DNM3: variants seen among roughly 807,000 people sequenced by gnomAD.
DNM3 encodes dynamin 3.
Under a neutral mutation model 101.6 loss-of-function variants are expected in DNM3, and 47 were observed. The observed-to-expected ratio is 0.46, with a 90% CI of 0.37 to 0.59. DNM3 has a LOEUF of 0.59. Among genes scored for constraint, DNM3 ranks in the 20% least tolerant of loss-of-function variants. The pLI is 0.00. For synonymous variants in DNM3, 385 were observed against 387.9 expected (o/e 0.99, Z 0.09); for missense variants, 849 against 1,085.7 (o/e 0.78, Z 3.06).
intron 1 of DNM3, among the ~76,000 whole-genome samples, chr1:171,892,812 C>T (rs137861792): frequency 6.6e-6 from 1 of 152,214 alleles, no homozygotes; most frequent in Non-Finnish European, 1.5e-5. Context: ...ACTTAGTTGA[C>T]CTAAGGCGCA....
chr1:172,193,577 G>C (rs939442766), intron 14 of DNM3, among the ~76,000 whole-genome samples: 1 of 152,084 alleles, frequency 6.6e-6, no homozygotes, highest in African/African-American at 2.4e-5. Flanking sequence ...CTTCCTCCTG[G>C]TTTAGTCTTG....
chr1:172,071,977 A>G (rs2052234038), intron 11 of DNM3, among the ~76,000 whole-genome samples: 1 of 152,226 alleles, frequency 6.6e-6, no homozygotes, highest in Admixed American at 6.5e-5. Context: ...CAGGAATATA[A>G]TGAGAACAGC....
At position 172,315,569 on chromosome 1, in the gene DNM3, G is replaced by A. The variant is rs189193312; in HGVS notation, c.1881+6730G>A. ...GGAGCTGATGGAGCTGAAAGCCAAC[G>A]CTCGAGAACTACGTGAAGAATGCAG... On this transcript the variant is annotated intron_variant, in intron 16 of 20. Coordinates refer to ENST00000627582, the MANE Select transcript of DNM3 (RefSeq NM_015569.5). 2.9e-3 allele frequency among the ~76,000 whole-genome samples: 439 copies of A among 152,306 alleles called. 1 individual carries two copies. Among genetic ancestry groups the A allele is most frequent in the African/African-American group, 9.5e-3 (395 of 41,558 alleles).
intron 2 of DNM3, among the ~76,000 whole-genome samples, chr1:171,957,289 C>T (rs1476904595): frequency 2.0e-5 from 3 of 151,708 alleles, no homozygotes; most frequent in Non-Finnish European, 2.9e-5. Context: ...GCTCCACCTC[C>T]CAGGTTCACA....
In DNM3 at chr1:171,876,258, C is replaced by A. The variant is rs76874304; in HGVS notation, c.161+34441C>A. Among the ~76,000 whole-genome samples the A allele has an allele frequency of 9.5e-4, 144 of 152,180 alleles. 3 individuals are homozygous for A. In the East Asian group the frequency reaches 0.018, roughly 19 times the overall value. ...ATCAAGATGGCTCATGGGCTGATAA[C>A]CATTGAAGTGGAATATAGGATTTAT... On this transcript the variant is annotated intron_variant, in intron 1 of 20. Transcript: ENST00000627582.
intron 2 of DNM3, among the ~76,000 whole-genome samples, chr1:171,977,431 A>G (rs544032697): frequency 6.6e-6 from 1 of 152,360 alleles, no homozygotes; most frequent in African/African-American, 2.4e-5. Flanking sequence ...TGTAAACTTG[A>G]TAGCAAGGGA....
chr1:172,031,982 C>T (rs2048638937), intron 4 of DNM3, among the ~76,000 whole-genome samples: 1 of 152,070 alleles, frequency 6.6e-6, no homozygotes, highest in Admixed American at 6.6e-5. Flanking sequence ...TTATGACGCA[C>T]TCTCATCATT....
chr1:171,885,552 C>T (rs79527593), intron 1 of DNM3, among the ~76,000 whole-genome samples: 5,694 of 152,164 alleles, frequency 0.037, 151 homozygotes, highest in Middle Eastern at 0.078. Flanking sequence ...CTATGTGATG[C>T]GGGCTGCTTT....
intron 14 of DNM3, among the ~76,000 whole-genome samples, chr1:172,210,395 A>G (rs2060474902): frequency 7.2e-6 from 1 of 139,508 alleles, no homozygotes; most frequent in African/African-American, 2.6e-5. Flanking sequence ...GAAAAATGAC[A>G]TTTGCCTCCC....
chr1:171,886,127 T>C lies in DNM3; in HGVS notation c.162-35621T>C, dbSNP rs80001185. On this transcript the variant is annotated intron_variant, in intron 1 of 20. Coordinates refer to ENST00000627582, the MANE Select transcript of DNM3 (RefSeq NM_015569.5). ...GGAATTTTGCTAAAATAAGAATGGC[T>C]TCTGAGATATAATGAGCTAAACCTG... Among the ~76,000 whole-genome samples, 1,246 of 152,328 alleles carry C rather than the reference T, an allele frequency of 8.2e-3. 19 individuals carry two copies. The highest frequency in any genetic ancestry group is 0.028 in the African/African-American group (1,159 of 41,562).
chr1:172,232,061 G>A (rs2061357920), intron 14 of DNM3, among the ~76,000 whole-genome samples: 1 of 152,090 alleles, frequency 6.6e-6, no homozygotes, highest in Non-Finnish European at 1.5e-5. Context: ...AATGTAAATG[G>A]GCTAAATGCT....
intron 14 of DNM3, among the ~76,000 whole-genome samples, chr1:172,244,971 T>C (rs1356752966): frequency 3.3e-5 from 5 of 152,216 alleles, no homozygotes; most frequent in Non-Finnish European, 5.9e-5. Flanking sequence ...GTATTCTCAA[T>C]ATTTGCATAG....
rs893314691 is a variant in DNM3 at position 172,121,217 on chromosome 1, G to GA, written c.1546-9951dup. Among the ~76,000 whole-genome samples the GA allele has an allele frequency of 2.0e-5, 3 of 152,024 alleles. No homozygotes were observed. In the East Asian group the frequency reaches 5.8e-4, roughly 29 times the overall value. The stretch of plus-strand genomic sequence containing the variant: ...TGGGAAAGATACACAGGAAAAAAGT[G>GA]AAAAAAACTAGAGCCCTGATTTTCA... On this transcript the variant is annotated intron_variant, in intron 13 of 20. Coordinates refer to ENST00000627582, the MANE Select transcript of DNM3 (RefSeq NM_015569.5).
intron 2 of DNM3, among the ~76,000 whole-genome samples, chr1:171,923,488 G>T (rs938183404): frequency 1.3e-5 from 2 of 151,062 alleles, no homozygotes; most frequent in Non-Finnish European, 2.9e-5. Context: ...GTCCTTTGAA[G>T]CACAAGATTT....
At chr1:172,093,412 G>A (rs1452572255) in intron 13 of DNM3, among the ~76,000 whole-genome samples, 1 of 152,204 alleles carries the variant, frequency 6.6e-6, no homozygotes, top group Non-Finnish European at 1.5e-5. Flanking sequence ...CTGACCAGCT[G>A]TCTCTGACTA....
chr1:172,133,226 T>C (rs971187315), intron 14 of DNM3: 2 of 1,130,950 alleles, frequency 1.8e-6, no homozygotes, highest in Admixed American at 9.6e-5. Flanking sequence ...GGATGCTCTC[T>C]GTAGGGAAGG....
chr1:172,026,250 AT>A (rs1454824279), intron 4 of DNM3, among the ~76,000 whole-genome samples: 2 of 152,150 alleles, frequency 1.3e-5, no homozygotes, highest in Non-Finnish European at 2.9e-5. Flanking sequence ...TGAAGACAAA[AT>A]TAGAGAAAAA....
intron 2 of DNM3, among the ~76,000 whole-genome samples, chr1:171,978,976 A>T (rs947497088): frequency 1.3e-5 from 2 of 152,154 alleles, no homozygotes; most frequent in East Asian, 3.9e-4. Context: ...TATATATAAA[A>T]TTTTAAGGCA....
intron 20 of DNM3, 34 bp downstream of exon 20, chr1:172,388,843 C>A (rs371079449): frequency 6.1e-6 from 9 of 1,477,786 alleles, no homozygotes; most frequent in Non-Finnish European, 8.3e-6. Flanking sequence ...GGGGGTAGTG[C>A]GCCTTGGTTC....
Sources: gnomAD v4.1 joint callset for allele counts (sites outside exome capture counted in the v4.1 genomes callset) on GRCh38, gnomAD v4.1.1 for gene constraint, MANE v1.5 for transcripts, NCBI Gene and HGNC (gene_info 2026-07-23, HGNC 2026-07-21) for gene names.